EDA2R: variants seen among roughly 807,000 people sequenced by gnomAD.
The protein encoded by EDA2R is tumor necrosis factor receptor superfamily member 27.
In EDA2R, 26 loss-of-function variants were observed where a neutral mutation model predicts 20.1. The observed-to-expected ratio is 1.30, with a 90% CI of 0.95 to 1.80. The LOEUF is 1.80. Among genes scored for constraint, EDA2R ranks in the 40% most tolerant of loss-of-function variants. The pLI, the probability that EDA2R is intolerant of heterozygous loss-of-function variation, is 0.00. For synonymous variants in EDA2R, 114 were observed against 88.7 expected, an observed-to-expected ratio of 1.29 and a Z score of -1.60; for missense variants, 277 against 228.7, an observed-to-expected ratio of 1.21 and a Z score of -1.36.
intron 2 of EDA2R, among the ~76,000 whole-genome samples, chrX:66,607,262 G>A (rs1929847228): frequency 8.9e-6 from 1 of 112,048 alleles, no homozygotes; most frequent in Admixed American, 9.4e-5. Context: ...TTTTCTTTTG[G>A]TTGTTGTTGT....
chrX:66,638,022 A>G (rs1482937025), intron 1 of EDA2R, among the ~76,000 whole-genome samples: 1 of 112,475 alleles, frequency 8.9e-6, no homozygotes, highest in Non-Finnish European at 1.9e-5. Flanking sequence ...CGTATGGTTC[A>G]ACTTGATACA....
chrX:66,619,166 G>A (rs1392170763), intron 1 of EDA2R, among the ~76,000 whole-genome samples: 2 of 111,596 alleles, frequency 1.8e-5, no homozygotes, highest in Non-Finnish European at 1.9e-5. Context: ...GGAGCATGAA[G>A]GCCATGTTTA....
At chrX:66,628,193 G>C (rs943715662) in intron 1 of EDA2R, among the ~76,000 whole-genome samples, 1 of 111,124 alleles carries the variant, frequency 9.0e-6, no homozygotes, top group East Asian at 2.8e-4. Context: ...GTGCTAAGAG[G>C]AAAGTTCATA....
At chrX:66,625,398 C>A (rs1396179731) in intron 1 of EDA2R, among the ~76,000 whole-genome samples, 1 of 110,656 alleles carries the variant, frequency 9.0e-6, no homozygotes, top group East Asian at 2.9e-4. Context: ...CCAGCTTTGA[C>A]CCACTTCCCT....
intron 1 of EDA2R, among the ~76,000 whole-genome samples, chrX:66,633,526 A>G (rs1033641892): frequency 8.1e-5 from 9 of 111,312 alleles, no homozygotes; most frequent in Non-Finnish European, 1.5e-4. Context: ...AGTGCTGTGG[A>G]AACTCCAGAT....
intron 2 of EDA2R, 137 bp from the exon 3 acceptor site, chrX:66,605,363 C>T (rs1929486223): frequency 2.3e-6 from 1 of 441,846 alleles, no homozygotes; most frequent in Non-Finnish European, 3.6e-6. Context: ...AATTCACTAG[C>T]TTCCAGCCAG....
At chrX:66,611,003 A>G (rs1010938729) in intron 2 of EDA2R, among the ~76,000 whole-genome samples, 2 of 111,380 alleles carry the variant, frequency 1.8e-5, no homozygotes, top group African/African-American at 6.5e-5. Flanking sequence ...CAAGTGGTCG[A>G]GCATGGGAAA....
chrX:66,602,533 T>C, intron 5 of EDA2R, 100 bp downstream of exon 5: 1 of 934,223 alleles, frequency 1.1e-6, no homozygotes. Context: ...TCAAGCATGG[T>C]AGAAAAGGCC....
intron 1 of EDA2R, among the ~76,000 whole-genome samples, chrX:66,616,693 T>C (rs1159585980): frequency 8.9e-6 from 1 of 112,167 alleles, no homozygotes. Context: ...GGTGCACAGA[T>C]AGGGAAACAT....
chrX:66,620,460 C>T (rs1355475950), intron 1 of EDA2R, among the ~76,000 whole-genome samples: 1 of 111,131 alleles, frequency 9.0e-6, no homozygotes, highest in Non-Finnish European at 1.9e-5. Flanking sequence ...AGACTAAATC[C>T]CCAAATGTAA....
chrX:66,604,642 C>T, intron 3 of EDA2R, 136 bp from the exon 4 acceptor site: 1 of 522,599 alleles, frequency 1.9e-6, no homozygotes, highest in African/African-American at 2.3e-5. Context: ...GAGTTATCTG[C>T]CTCTGTGTCT....
intron 1 of EDA2R, among the ~76,000 whole-genome samples, chrX:66,634,491 C>T (rs1934142678): frequency 9.0e-6 from 1 of 111,131 alleles, no homozygotes; most frequent in South Asian, 3.8e-4. Context: ...CAGCACATTC[C>T]ATCATTTGTT....
At chrX:66,607,412 T>C (rs1929885491) in intron 2 of EDA2R, among the ~76,000 whole-genome samples, 1 of 111,166 alleles carries the variant, frequency 9.0e-6, no homozygotes, top group Non-Finnish European at 1.9e-5. Context: ...CCTAAACAAA[T>C]GGAGTGCTAG....
rs763870961 is a variant in EDA2R, at chrX:66,600,470, T to C, written c.518-610A>G. On this transcript the variant is annotated intron_variant, in intron 5 of 6. Coordinates refer to ENST00000374719, the MANE Select transcript of EDA2R (RefSeq NM_021783.5). The stretch of plus-strand genomic sequence containing the variant: ...TTACAGCCAGCAAGGAAATGGGACC[T>C]AAGTCCTTTAACTGCATAGACCTGA... 2.2e-3 allele frequency among the ~76,000 whole-genome samples: 250 copies of C among 111,985 alleles called. No homozygotes were observed. In the Middle Eastern group the frequency reaches 0.023, roughly 10 times the overall value.
chrX:66,605,243 G>T lies in EDA2R; in HGVS notation c.88-17C>A. 8.4e-7 allele frequency: 1 copy of T among 1,190,121 alleles called. No individual in the cohort carries two copies. The highest frequency in any genetic ancestry group is 1.9e-5 in the South Asian group (1 of 53,039). On this transcript the variant is annotated splice_polypyrimidine_tract_variant and intron_variant, in intron 2 of 6. Transcript: ENST00000374719. Reference sequence around the variant, plus strand: ...ACCACAATCCTGTAGACAGATGGGGGTTGTTAATATTGCTTTATAGGAGCT... The same window carrying T: ...ACCACAATCCTGTAGACAGATGGGGTTTGTTAATATTGCTTTATAGGAGCT...
At chrX:66,621,361 T>C (rs1251559059) in intron 1 of EDA2R, among the ~76,000 whole-genome samples, 1 of 111,965 alleles carries the variant, frequency 8.9e-6, no homozygotes, top group Non-Finnish European at 1.9e-5. Context: ...ATGTTAAACA[T>C]CATGTTACAA....
intron 1 of EDA2R, among the ~76,000 whole-genome samples, chrX:66,621,103 C>G (rs1932544486): frequency 9.0e-6 from 1 of 110,511 alleles, no homozygotes; most frequent in African/African-American, 3.3e-5. Flanking sequence ...ATGGTGAAAC[C>G]CTGAATCTAC....
chrX:66,599,444 G>GTTTTTTTTT, intron 6 of EDA2R, 30 bp downstream of exon 6: 1 of 1,096,612 alleles, frequency 9.1e-7, no homozygotes, highest in Admixed American at 3.7e-5. Flanking sequence ...TGCTTTTTTT[G>GTTTTTTTTT]TTTTTTTCTG....
intron 1 of EDA2R, among the ~76,000 whole-genome samples, chrX:66,628,705 CAA>C (rs58181241): frequency 2.0e-4 from 16 of 80,727 alleles, no homozygotes; most frequent in African/African-American, 6.0e-4. Flanking sequence ...AAAACATTAC[CAA>C]AAAAAAAAAA....
Sources: gnomAD v4.1 joint callset for allele counts (sites outside exome capture counted in the v4.1 genomes callset) on GRCh38, gnomAD v4.1.1 for gene constraint, MANE v1.5 for transcripts, NCBI Gene and HGNC (gene_info 2026-07-23, HGNC 2026-07-21) for gene names.